Variants in IMPA1 observed in about 807,000 individuals in gnomAD.
IMPA1 encodes inositol monophosphatase 1.
Under a neutral mutation model 34.9 loss-of-function variants are expected in IMPA1, and 21 were observed. The ratio of observed to expected loss-of-function variants is 0.60; its 90% confidence interval spans 0.43 to 0.87. The LOEUF (loss-of-function observed/expected upper bound fraction) is 0.87, where lower values mean the gene tolerates loss of function less well. Among genes scored for constraint, IMPA1 ranks in the 40% least tolerant of loss-of-function variants. IMPA1 has a pLI of 0.00. For synonymous variants in IMPA1, 95 were observed against 104.4 expected (o/e 0.91, Z 0.55); for missense variants, 299 against 336.4 (o/e 0.89, Z 0.87).
rs1308325707 is a variant in IMPA1, at chr8:81,659,368, G to A, written c.817C>T (p.Arg273Ter). 1.9e-6 allele frequency: 3 copies of A among 1,600,982 alleles called. No homozygotes were observed. The highest frequency in any genetic ancestry group is 1.1e-5 in the South Asian group (1 of 90,780). ...TGCCTTAATTAATCTTCGTCGTCTCGTTGCAAAGGTATAACCTGAATTTCT... is the reference window on the plus strand; with the variant it reads ...TGCCTTAATTAATCTTCGTCGTCTCATTGCAAAGGTATAACCTGAATTTCT... The part of the protein sequence containing the change: ...AKEIQVIPLQ[R>*]DDED Residue 273 changes from arginine to a stop codon, truncating the protein, a stop_gained, in exon 9 of 9, where the codon CGA becomes TGA. Coordinates refer to ENST00000256108, the MANE Select transcript of IMPA1 (RefSeq NM_005536.4). LOFTEE classifies it high-confidence loss of function.
intron 8 of IMPA1, 92 bp downstream of exon 8, chr8:81,660,424 G>A: frequency 9.1e-7 from 1 of 1,103,988 alleles, no homozygotes; most frequent in South Asian, 1.4e-5. Flanking sequence ...AAAAACTGCA[G>A]TATAACATAT....
chr8:81,659,443 G>C lies in IMPA1; in HGVS notation c.742C>G (p.Arg248Gly). The change falls in exon 9 of 9, where the codon CGA becomes GGA. Residue 248 changes from arginine (R) to glycine (G), a missense_variant. Arg to Gly is a moderately radical substitution (Grantham distance 125). Coordinates refer to ENST00000256108, the MANE Select transcript of IMPA1 (RefSeq NM_005536.4). The stretch of plus-strand genomic sequence containing the variant: ...CTATTATTTGCAGCAATTACTCTTC[G>C]TGACATCAAATCAAATGGTCCACCT... Reference protein sequence around the residue: ...VTGGPFDLMSRRVIAANNRIL... With the variant: ...VTGGPFDLMSGRVIAANNRIL... The C allele has an allele frequency of 6.2e-7, 1 of 1,606,202 alleles. No individual in the cohort carries two copies. The highest frequency in any genetic ancestry group is 1.3e-5 in the African/African-American group (1 of 74,812).
In IMPA1 at chr8:81,684,502, A is replaced by T. The variant is rs200979520; in HGVS notation, c.-25+1750T>A. Among the ~76,000 whole-genome samples, 10 of 104,980 alleles carry T rather than the reference A, an allele frequency of 9.5e-5. 1 individual carries two copies. Among genetic ancestry groups the T allele is most frequent in the Admixed American group, 7.7e-4 (8 of 10,358 alleles). The allele number at this position is 104,980 out of a possible 152,430, so 68.9% of individuals were successfully genotyped here. Reference sequence around the variant, plus strand: ...TTAGATACTACAGTATACTACACATAAGTATCTTTAGATACTATGTGTAGT... The same window carrying T: ...TTAGATACTACAGTATACTACACATTAGTATCTTTAGATACTATGTGTAGT... On this transcript the variant is annotated intron_variant, in intron 1 of 8. Coordinates refer to ENST00000256108, the MANE Select transcript of IMPA1 (RefSeq NM_005536.4).
At chr8:81,679,314 G>T in intron 3 of IMPA1, 84 bp from the exon 4 acceptor site, 1 of 946,906 alleles carries the variant, frequency 1.1e-6, no homozygotes, top group Non-Finnish European at 1.7e-6. Context: ...GCTACACAGA[G>T]TACTATAAAA....
At chr8:81,670,876 A>G (rs1294419241) in intron 7 of IMPA1, 63 bp downstream of exon 7, 2 of 773,878 alleles carry the variant, frequency 2.6e-6, no homozygotes, top group Admixed American at 6.5e-5. Flanking sequence ...CAGGAAAAAA[A>G]AAAGGTGTGT....
At chr8:81,673,011 G>A (rs1807033212) in intron 6 of IMPA1, among the ~76,000 whole-genome samples, 1 of 152,180 alleles carries the variant, frequency 6.6e-6, no homozygotes, top group Non-Finnish European at 1.5e-5. Flanking sequence ...AACTATGTCA[G>A]GCAAACCTGC....
chr8:81,686,203 C>T, intron 1 of IMPA1, 49 bp downstream of exon 1: 3 of 1,025,228 alleles, frequency 2.9e-6, no homozygotes, highest in Non-Finnish European at 3.6e-6. Context: ...TGGAAACCCA[C>T]AGCGCCCGCT....
At chr8:81,660,738 C>T (rs1806645676) in intron 7 of IMPA1, 71 bp from the exon 8 acceptor site, 5 of 1,276,920 alleles carry the variant, frequency 3.9e-6, no homozygotes, top group Non-Finnish European at 5.5e-6. Context: ...TCCTTAACTT[C>T]ACTTTAAGTG....
In IMPA1 at chr8:81,680,777, A is replaced by C. The variant is rs778982593; in HGVS notation, c.70T>G (p.Cys24Gly). Residue 24 changes from cysteine to glycine, a missense_variant, in exon 3 of 9, where the codon TGT (cysteine) becomes GGT (glycine). Physicochemically the swap from Cys to Gly is radical, Grantham distance 159. Transcript: ENST00000256108. The stretch of plus-strand genomic sequence containing the variant: ...TTCATTTCATTTTTTATAGCTTCAC[A>C]AACTACCTAAAAAGAGGTTTTGGTA... ...TLARQAGEVVCEAIKNEMNVM... is the reference protein window; with the variant it reads ...TLARQAGEVVGEAIKNEMNVM... The C allele has an allele frequency of 1.9e-6, 3 of 1,600,124 alleles. No homozygotes were observed. Among genetic ancestry groups the C allele is most frequent in the Non-Finnish European group, 1.7e-6 (2 of 1,170,356 alleles).
At chr8:81,684,753 A>G (rs1222237732) in intron 1 of IMPA1, among the ~76,000 whole-genome samples, 1 of 144,086 alleles carries the variant, frequency 6.9e-6, no homozygotes, top group East Asian at 2.1e-4. Flanking sequence ...ACACATAAGT[A>G]TATTTAGATA....
At chr8:81,665,707 A>C (rs531264458) in intron 7 of IMPA1, among the ~76,000 whole-genome samples, 2 of 152,338 alleles carry the variant, frequency 1.3e-5, no homozygotes, top group African/African-American at 2.4e-5. Flanking sequence ...GGGAAAAAAA[A>C]CAGCCTCCAG....
chr8:81,680,159 T>C (rs1308422746), intron 3 of IMPA1, among the ~76,000 whole-genome samples: 2 of 151,040 alleles, frequency 1.3e-5, no homozygotes, highest in Non-Finnish European at 2.9e-5. Context: ...AAGGTCACTC[T>C]CTAATACTCT....
intron 1 of IMPA1, chr8:81,685,758 C>A: frequency 6.6e-7 from 1 of 1,509,230 alleles, no homozygotes; most frequent in Non-Finnish European, 8.9e-7. Context: ...CCGTAGTTTA[C>A]TCACTTTCAT....
chr8:81,662,659 G>A (rs1409856073), intron 7 of IMPA1, among the ~76,000 whole-genome samples: 1 of 149,022 alleles, frequency 6.7e-6, no homozygotes, highest in African/African-American at 2.6e-5. Context: ...TTGCTCCCAT[G>A]TCATGTCATC....
intron 6 of IMPA1, among the ~76,000 whole-genome samples, 186 bp downstream of exon 6, chr8:81,673,655 T>G (rs1807052429): frequency 2.6e-5 from 4 of 152,142 alleles, no homozygotes; most frequent in Admixed American, 2.6e-4. Flanking sequence ...CTGAAGTGTT[T>G]GCTCAATTAC....
intron 1 of IMPA1, among the ~76,000 whole-genome samples, chr8:81,682,289 G>C (rs935003835): frequency 3.3e-5 from 5 of 152,100 alleles, no homozygotes; most frequent in African/African-American, 4.8e-5. Flanking sequence ...CCACTGGCTT[G>C]ATCACACTCT....
intron 1 of IMPA1, among the ~76,000 whole-genome samples, chr8:81,681,907 T>C (rs1477451321): frequency 1.3e-5 from 2 of 152,126 alleles, no homozygotes; most frequent in Admixed American, 6.5e-5. Flanking sequence ...GTTAGGATAA[T>C]ATTTTGGAGG....
At chr8:81,668,887 A>G (rs1343740075) in intron 7 of IMPA1, among the ~76,000 whole-genome samples, 1 of 152,188 alleles carries the variant, frequency 6.6e-6, no homozygotes, top group Non-Finnish European at 1.5e-5. Context: ...ATACTCTCCA[A>G]TGCTGGCTGC....
At chr8:81,674,379 A>G (rs1271931018) in intron 5 of IMPA1, 5 of 183,056 alleles carry the variant, frequency 2.7e-5, no homozygotes, top group Non-Finnish European at 4.6e-5. Context: ...ATGTTATTCT[A>G]TCCTTTTCCC....
Sources: allele counts gnomAD v4.1 joint callset (sites outside exome capture counted in the v4.1 genomes callset), GRCh38; gene constraint gnomAD v4.1.1; transcripts MANE v1.5; gene names NCBI Gene and HGNC (gene_info 2026-07-23, HGNC 2026-07-21).